Variants in OGFRL1 observed in about 807,000 individuals in gnomAD.
OGFRL1 encodes opioid growth factor receptor-like protein 1.
In OGFRL1, 26 loss-of-function variants were observed where a neutral mutation model predicts 32.4. That is an observed-to-expected ratio of 0.80 (90% CI 0.59 to 1.11). The LOEUF (loss-of-function observed/expected upper bound fraction) is 1.11, where lower values mean the gene tolerates loss of function less well. Ranked by LOEUF, OGFRL1 falls within the 50% of genes most tolerant of loss-of-function variation. The pLI is 0.00. For synonymous variants in OGFRL1, 211 were observed against 201.2 expected (o/e 1.05, Z -0.41); for missense variants, 521 against 546.4 (o/e 0.95, Z 0.46).
At chr6:71,300,519 G>C (rs947218976) in intron 6 of OGFRL1, among the ~76,000 whole-genome samples, 3 of 152,126 alleles carry the variant, frequency 2.0e-5, no homozygotes, top group East Asian at 1.9e-4. Flanking sequence ...AGAATGACCA[G>C]AGATTGAAGA....
Position 71,301,631 on chromosome 6 carries a change from G to C in OGFRL1, c.938G>C (p.Gly313Ala). 1 of 1,614,118 alleles carries C rather than the reference G, an allele frequency of 6.2e-7. No homozygotes were observed. Among genetic ancestry groups the C allele is most frequent in the Non-Finnish European group, 8.5e-7 (1 of 1,180,042 alleles). ...HYTPSENFIW[G>A]PPRKEQSEGS... ...ACGCCTTCAGAGAACTTTATCTGGG[G>C]ACCGCCTCGAAAAGAACAGTCGGAG... Residue 313 changes from glycine (G) to alanine (A), a missense_variant, in exon 7 of 7, where the codon GGA becomes GCA. By Grantham distance (60) the Gly-to-Ala change is moderately conservative. Transcript: ENST00000370435.
At chr6:71,295,468 G>C (rs957484397) in intron 3 of OGFRL1, 1 of 152,164 alleles carries the variant, frequency 6.6e-6, no homozygotes, top group African/African-American at 2.4e-5. Flanking sequence ...TTAGGAACAG[G>C]AGGATTTTGT....
Position 71,296,815 on chromosome 6 carries a change from TGAG to T in OGFRL1, c.691_692+1del. 1.2e-6 allele frequency: 2 copies of T among 1,612,606 alleles called. No individual in the cohort carries two copies. Among genetic ancestry groups the T allele is most frequent in the Non-Finnish European group, 1.7e-6 (2 of 1,179,324 alleles). On this transcript the variant is annotated splice_donor_variant and coding_sequence_variant, in exon 6 of 7. Coordinates refer to ENST00000370435, the MANE Select transcript of OGFRL1 (RefSeq NM_024576.5). LOFTEE classifies it high-confidence loss of function. ...GGCAGGAAAGATTTCAGCATCTGAA[TGAG>T]TAAGTAAAGCCCCTGTGATAAATCA...
intron 3 of OGFRL1, among the ~76,000 whole-genome samples, chr6:71,294,824 T>A (rs1402489287): frequency 6.6e-6 from 1 of 152,216 alleles, no homozygotes; most frequent in Non-Finnish European, 1.5e-5. Context: ...GATAGATTGT[T>A]AATTTGAGTC....
In OGFRL1 at chr6:71,289,092, G is replaced by GC; in HGVS notation, c.161dup (p.Glu55GlyfsTer27). 2 of 1,123,712 alleles carry GC rather than the reference G, an allele frequency of 1.8e-6. No individual in the cohort carries two copies. Among genetic ancestry groups the GC allele is most frequent in the East Asian group, 4.9e-5 (1 of 20,232 alleles). 69.6% of individuals were successfully genotyped at this position (1,123,712 alleles called of 1,614,324 possible). A position where few individuals can be genotyped will look rare whatever the true frequency, so the allele number is the denominator to read the frequency against. ...GGCAGGAGTCCGAGCAGCCCGCGCA[G>GC]CCCCCGGAGCAAGCCGGCGGGCGGC... is the stretch of plus-strand genomic sequence containing the variant. On this transcript the variant is annotated frameshift_variant, in exon 1 of 7. Coordinates refer to ENST00000370435, the MANE Select transcript of OGFRL1 (RefSeq NM_024576.5). LOFTEE classifies it high-confidence loss of function.
At position 71,288,838 on chromosome 6, in the gene OGFRL1, C is replaced by T. The variant is rs1582545411; in HGVS notation, c.-99C>T. On this transcript the variant is annotated 5_prime_UTR_variant, in exon 1 of 7. Transcript: ENST00000370435. ...TGCGGGGCGGGCGCGCCTAGGCTGC[C>T]GCCCAGCGCCCTCGCCGCGGCCATG... is the stretch of plus-strand genomic sequence containing the variant. 2.2e-6 allele frequency: 2 copies of T among 896,622 alleles called. No homozygotes were observed. The highest frequency in any genetic ancestry group is 2.7e-6 in the Non-Finnish European group (2 of 739,976). 55.5% of individuals were successfully genotyped at this position (896,622 alleles called of 1,614,324 possible). A position where few individuals can be genotyped will look rare whatever the true frequency, so the allele number is the denominator to read the frequency against.
intron 1 of OGFRL1, among the ~76,000 whole-genome samples, chr6:71,290,837 G>C (rs902792036): frequency 1.2e-4 from 18 of 152,332 alleles, no homozygotes; most frequent in Middle Eastern, 3.4e-3. Context: ...GAAGTCTAGG[G>C]AGAATGCAGC....
rs1421307176 is a variant in OGFRL1, at chr6:71,307,651, AG to A, written c.*5605del. ...TTTTCTCTAAAAATATTTAAGCTTT[AG>A]GGTTTGTCATAGTTTTACTTTTTAA... On this transcript the variant is annotated 3_prime_UTR_variant, in exon 7 of 7. Coordinates refer to ENST00000370435, the MANE Select transcript of OGFRL1 (RefSeq NM_024576.5). The A allele has an allele frequency of 6.6e-6, 1 of 152,078 alleles. No individual in the cohort carries two copies. The highest frequency in any genetic ancestry group is 2.4e-5 in the African/African-American group (1 of 41,440). 9.4% of individuals were successfully genotyped at this position (152,078 alleles called of 1,614,324 possible).
chr6:71,290,635 A>G (rs1351750685), intron 1 of OGFRL1, among the ~76,000 whole-genome samples: 1 of 152,198 alleles, frequency 6.6e-6, no homozygotes, highest in African/African-American at 2.4e-5. Context: ...TCCCCAAAAA[A>G]TCTGCTTTTC....
chr6:71,301,386 G>T lies in OGFRL1; in HGVS notation c.693G>T (p.Glu231Asp). Reference protein sequence around the residue: ...NWQERFQHLNESQHNYLRITR... With the variant: ...NWQERFQHLNDSQHNYLRITR... Reference sequence around the variant, plus strand: ...CATTTTATTCAATCCTCTCTTCCAGGTCCCAGCACAACTATTTAAGAATCA... The same window carrying T: ...CATTTTATTCAATCCTCTCTTCCAGTTCCCAGCACAACTATTTAAGAATCA... The change falls in exon 7 of 7, where the codon GAG becomes GAT. Residue 231 changes from glutamate to aspartate, a missense_variant and splice_region_variant. Physicochemically the swap from Glu to Asp is conservative, Grantham distance 45 (BLOSUM62 2). Transcript: ENST00000370435. 1.9e-6 allele frequency: 3 copies of T among 1,557,272 alleles called. No individual in the cohort carries two copies. Among genetic ancestry groups the T allele is most frequent in the Admixed American group, 2.0e-5 (1 of 50,100 alleles).
chr6:71,288,899 C>T lies in OGFRL1; in HGVS notation c.-38C>T, dbSNP rs1351940795. 1 of 1,260,584 alleles carries T rather than the reference C, an allele frequency of 7.9e-7. No individual in the cohort carries two copies. Among genetic ancestry groups the T allele is most frequent in the Non-Finnish European group, 1.0e-6 (1 of 985,092 alleles). The allele number at this position is 1,260,584 out of a possible 1,614,324, so 78.1% of individuals were successfully genotyped here. A position where few individuals can be genotyped will look rare whatever the true frequency, so the allele number is the denominator to read the frequency against. On this transcript the variant is annotated 5_prime_UTR_variant, in exon 1 of 7. Transcript: ENST00000370435. ...AGAGCGCCTGCCGCAGCTTGCGCCC[C>T]GCAGCCCCGCAGCCCCGCGCCCGCC...
rs1408811347 is a variant in OGFRL1 at position 71,304,005 on chromosome 6, TA to T, written c.*1957del. 2 of 152,316 alleles carry T rather than the reference TA, an allele frequency of 1.3e-5. No homozygotes were observed. The highest frequency in any genetic ancestry group is 1.5e-5 in the Non-Finnish European group (1 of 68,006). The allele number at this position is 152,316 out of a possible 1,614,324, so 9.4% of individuals were successfully genotyped here. On this transcript the variant is annotated 3_prime_UTR_variant, in exon 7 of 7. Coordinates refer to ENST00000370435, the MANE Select transcript of OGFRL1 (RefSeq NM_024576.5). ...CCCCTAGGGAATTTGTAATATGTCC[TA>T]CTTCATATCATCTTCTGTTGCCTCT...
intron 6 of OGFRL1, among the ~76,000 whole-genome samples, chr6:71,297,373 A>C (rs1203067601): frequency 6.6e-6 from 1 of 152,184 alleles, no homozygotes; most frequent in Non-Finnish European, 1.5e-5. Context: ...ATAAGTCCCA[A>C]AACTTATGAA....
intron 6 of OGFRL1, among the ~76,000 whole-genome samples, chr6:71,299,408 T>G (rs1766315728): frequency 2.0e-5 from 3 of 152,138 alleles, no homozygotes; most frequent in Non-Finnish European, 4.4e-5. Context: ...TCTGGGATAC[T>G]CATCATCATT....
rs1766595116 is a variant in OGFRL1, at chr6:71,307,681, A to C, written c.*5632A>C. 1 of 148,928 alleles carries C rather than the reference A, an allele frequency of 6.7e-6. No homozygotes were observed. Among genetic ancestry groups the C allele is most frequent in the African/African-American group, 2.4e-5 (1 of 41,222 alleles). 9.2% of individuals were successfully genotyped at this position (148,928 alleles called of 1,614,324 possible). On this transcript the variant is annotated 3_prime_UTR_variant, in exon 7 of 7. Transcript: ENST00000370435. ...TTGTCATAGTTTTACTTTTTAAATT[A>C]TACTTTGTGTAACAATTTACGTTAA...
At chr6:71,299,972 T>G (rs1180481274) in intron 6 of OGFRL1, among the ~76,000 whole-genome samples, 1 of 152,200 alleles carries the variant, frequency 6.6e-6, no homozygotes, top group Non-Finnish European at 1.5e-5. Flanking sequence ...GGTTTTTGTT[T>G]TGTCCAAAGA....
chr6:71,289,250 G>T, intron 1 of OGFRL1, 80 bp downstream of exon 1: 1 of 1,022,862 alleles, frequency 9.8e-7, no homozygotes. Context: ...CCGCCCTCGC[G>T]CTCGGAGGCC....
chr6:71,293,998 A>G (rs1458962290), intron 3 of OGFRL1, among the ~76,000 whole-genome samples: 1 of 152,164 alleles, frequency 6.6e-6, no homozygotes, highest in Non-Finnish European at 1.5e-5. Context: ...ATAGCTGAAA[A>G]CTATTTAGCA....
chr6:71,289,817 T>C, intron 1 of OGFRL1: 1 of 985,280 alleles, frequency 1.0e-6, no homozygotes, highest in Non-Finnish European at 1.2e-6. Context: ...GAGAGGTTAG[T>C]CAAGAGATAA....
Sources: gnomAD v4.1 joint callset for allele counts (sites outside exome capture counted in the v4.1 genomes callset) on GRCh38, gnomAD v4.1.1 for gene constraint, MANE v1.5 for transcripts, NCBI Gene and HGNC (gene_info 2026-07-23, HGNC 2026-07-21) for gene names.